PTPRM: variants seen among roughly 807,000 people sequenced by gnomAD.
PTPRM encodes receptor-type tyrosine-protein phosphatase mu.
In PTPRM, 47 loss-of-function variants were observed where a neutral mutation model predicts 186.7. The ratio of observed to expected loss-of-function variants is 0.25; its 90% CI spans 0.20 to 0.32. PTPRM has a LOEUF of 0.32. Among genes scored for constraint, PTPRM ranks in the 10% least tolerant of loss-of-function variants. PTPRM has a pLI of 1.00. For missense variants in PTPRM, 1,494 were observed against 1,865.0 expected, an observed-to-expected ratio of 0.80 and a Z score of 3.66; for synonymous variants, 668 against 674.9, an observed-to-expected ratio of 0.99 and a Z score of 0.16.
intron 7 of PTPRM, among the ~76,000 whole-genome samples, chr18:8,060,205 T>A (rs1398801275): frequency 1.1e-5 from 1 of 92,070 alleles, no homozygotes; most frequent in Non-Finnish European, 2.5e-5. Flanking sequence ...TGTCAAGGAA[T>A]GTATCCATTT....
intron 2 of PTPRM, among the ~76,000 whole-genome samples, chr18:7,836,327 C>G (rs2046047423): frequency 6.6e-6 from 1 of 152,012 alleles, no homozygotes; most frequent in African/African-American, 2.4e-5. Context: ...TTATTTTAAG[C>G]TGATAACAAC....
At chr18:7,694,233 G>A (rs887783084) in intron 1 of PTPRM, among the ~76,000 whole-genome samples, 17 of 152,170 alleles carry the variant, frequency 1.1e-4, no homozygotes, top group African/African-American at 3.9e-4. Context: ...GGAGGGGAGT[G>A]TGTTAGTCTT....
chr18:7,575,602 T>C (rs2036668522), intron 1 of PTPRM, among the ~76,000 whole-genome samples: 1 of 152,228 alleles, frequency 6.6e-6, no homozygotes, highest in African/African-American at 2.4e-5. Context: ...AATCTACATG[T>C]AGTGGTAAAA....
chr18:7,612,281 A>G (rs1402909094), intron 1 of PTPRM, among the ~76,000 whole-genome samples: 1 of 152,156 alleles, frequency 6.6e-6, no homozygotes, highest in African/African-American at 2.4e-5. Context: ...CAAAATGTGT[A>G]TGGAACCTGT....
chr18:8,117,417 G>C (rs2091997408), intron 13 of PTPRM, among the ~76,000 whole-genome samples: 1 of 152,152 alleles, frequency 6.6e-6, no homozygotes, highest in South Asian at 2.1e-4. Flanking sequence ...TCTTTATAGA[G>C]AAAGTATGGA....
intron 19 of PTPRM, among the ~76,000 whole-genome samples, chr18:8,293,744 AAATGCAT>A (rs2095065079): frequency 6.6e-6 from 1 of 152,234 alleles, no homozygotes; most frequent in Non-Finnish European, 1.5e-5. Flanking sequence ...AGCTATTTTT[AAATGCAT>A]GTTATGTAGC....
At chr18:7,610,748 T>G (rs1322099550) in intron 1 of PTPRM, among the ~76,000 whole-genome samples, 1 of 152,258 alleles carries the variant, frequency 6.6e-6, no homozygotes, top group Non-Finnish European at 1.5e-5. Context: ...TATTACACAA[T>G]TCTGTTCAGC....
intron 1 of PTPRM, among the ~76,000 whole-genome samples, chr18:7,570,162 ATG>A: frequency 6.6e-6 from 1 of 152,302 alleles, no homozygotes; most frequent in South Asian, 2.1e-4. Context: ...CAAATTTCAT[ATG>A]TGCAAGGATC....
intron 2 of PTPRM, among the ~76,000 whole-genome samples, chr18:7,842,910 A>ATGTGTGTGTG (rs1285423674): frequency 2.1e-4 from 22 of 107,030 alleles, no homozygotes; most frequent in African/African-American, 1.0e-3. Flanking sequence ...TGTTTCTCAT[A>ATGTGTGTGTG]TGTGTGTGTG....
At chr18:8,055,981 G>A (rs1157035435) in intron 7 of PTPRM, among the ~76,000 whole-genome samples, 2 of 152,048 alleles carry the variant, frequency 1.3e-5, no homozygotes, top group Non-Finnish European at 2.9e-5. Flanking sequence ...AGGTGTTGCT[G>A]GAGACACACT....
chr18:8,033,267 A>G (rs2086107924), intron 7 of PTPRM, among the ~76,000 whole-genome samples: 1 of 152,146 alleles, frequency 6.6e-6, no homozygotes, highest in South Asian at 2.1e-4. Context: ...TATTAAACAT[A>G]TTTTAAAAGT....
intron 1 of PTPRM, among the ~76,000 whole-genome samples, chr18:7,574,208 G>C (rs1444681861): frequency 6.6e-6 from 1 of 152,176 alleles, no homozygotes; most frequent in East Asian, 1.9e-4. Context: ...TTACCAACAT[G>C]GTGATGTGAT....
At chr18:8,323,922 G>A (rs762030123) in intron 22 of PTPRM, among the ~76,000 whole-genome samples, 97 of 152,130 alleles carry the variant, frequency 6.4e-4, no homozygotes, top group Non-Finnish European at 1.3e-3. Flanking sequence ...ATTTAAGGTG[G>A]TTCATGGACT....
chr18:8,045,704 G>A (rs1014661261), intron 7 of PTPRM, among the ~76,000 whole-genome samples: 3 of 152,294 alleles, frequency 2.0e-5, no homozygotes, highest in South Asian at 2.1e-4. Flanking sequence ...GCTAATGGAT[G>A]TGGAATCTCT....
At chr18:7,823,418 G>A (rs948534897) in intron 2 of PTPRM, among the ~76,000 whole-genome samples, 14 of 152,180 alleles carry the variant, frequency 9.2e-5, no homozygotes, top group Admixed American at 9.2e-4. Flanking sequence ...TATAAATTTA[G>A]CCTTGGTGTG....
Position 8,069,841 on chromosome 18 carries a change from C to T in PTPRM, c.1288C>T (p.Arg430Ter). The T allele has an allele frequency of 1.9e-6, 3 of 1,613,928 alleles. No homozygotes were observed. The highest frequency in any genetic ancestry group is 2.5e-6 in the Non-Finnish European group (3 of 1,179,932). Residue 430 changes from arginine to a stop codon, truncating the protein, a stop_gained, in exon 8 of 33, where the codon CGA becomes TGA. Transcript: ENST00000580170. LOFTEE classifies it high-confidence loss of function. ...CCAAGTTGGAGGACAAGAACAAGTG[C>T]GAGAAGAAGTAAGCTGGGATACAGA... ...CYQVGGQEQV[R>*]EEVSWDTENS...
intron 23 of PTPRM, among the ~76,000 whole-genome samples, chr18:8,362,591 TC>T (rs2095603689): frequency 6.6e-6 from 1 of 151,968 alleles, no homozygotes; most frequent in Non-Finnish European, 1.5e-5. Context: ...CTCTGCCAAC[TC>T]CCCAAGTCTA....
intron 19 of PTPRM, among the ~76,000 whole-genome samples, chr18:8,292,579 C>A (rs1162886596): frequency 6.6e-6 from 1 of 152,174 alleles, no homozygotes; most frequent in Non-Finnish European, 1.5e-5. Context: ...AGTTATCTGA[C>A]CTTTTCCTCA....
intron 8 of PTPRM, among the ~76,000 whole-genome samples, chr18:8,071,621 A>G (rs1206350913): frequency 6.6e-6 from 1 of 152,116 alleles, no homozygotes; most frequent in Non-Finnish European, 1.5e-5. Context: ...CCTTCACAGC[A>G]TCTTGTTCTG....
Sources: allele counts gnomAD v4.1 joint callset (sites outside exome capture counted in the v4.1 genomes callset), GRCh38; gene constraint gnomAD v4.1.1; transcripts MANE v1.5; gene names NCBI Gene and HGNC (gene_info 2026-07-23, HGNC 2026-07-21).